CRAT: variants seen among roughly 807,000 people sequenced by gnomAD.
The protein encoded by CRAT is carnitine acetylase.
Under a neutral mutation model 73.7 loss-of-function variants are expected in CRAT, and 66 were observed. The observed-to-expected ratio is 0.90, with a 90% CI of 0.73 to 1.10. The LOEUF is 1.10. Among genes scored for constraint, CRAT ranks in the 50% least tolerant of loss-of-function variants. CRAT has a pLI of 0.00. For missense variants in CRAT, 745 were observed against 846.9 expected (o/e 0.88, Z 1.49); for synonymous variants, 321 against 343.2 (o/e 0.94, Z 0.71).
Position 129,104,198 on chromosome 9 carries a change from C to T in CRAT, c.400G>A (p.Gly134Ser), listed in dbSNP as rs761038595. The T allele has an allele frequency of 6.2e-7, 1 of 1,608,490 alleles. No individual in the cohort carries two copies. The highest frequency in any genetic ancestry group is 1.1e-5 in the South Asian group (1 of 89,994). The stretch of plus-strand genomic sequence containing the variant: ...ACCCCAGCCACTCACCGGAGCTGAC[C>T]CTGCAGGTCCACGAAGTCCTGCTTG... ...LPKQDFVDLQ[G>S]QLRFAAKLIE... The change falls in exon 3 of 14, where the codon GGT becomes AGT. Residue 134 changes from glycine (G) to serine (S), a missense_variant. By Grantham distance (56) the Gly-to-Ser change is moderately conservative. Coordinates refer to ENST00000318080, the MANE Select transcript of CRAT (RefSeq NM_000755.5).
chr9:129,100,556 G>GC lies in CRAT; in HGVS notation c.938dup (p.Ser314GlnfsTer140). On this transcript the variant is annotated frameshift_variant, in exon 7 of 14. Transcript: ENST00000318080. LOFTEE classifies it high-confidence loss of function. Reference sequence around the variant, plus strand: ...AGCGGTTGCCGCTGTTGAGCCTGCTGCCGCCCCCATGCAGCATCTGGCCTG... The same window carrying GC: ...AGCGGTTGCCGCTGTTGAGCCTGCTGCCCGCCCCCATGCAGCATCTGGCCTG... 6.2e-7 allele frequency: 1 copy of GC among 1,613,812 alleles called. No homozygotes were observed. Among genetic ancestry groups the GC allele is most frequent in the Non-Finnish European group, 8.5e-7 (1 of 1,179,970 alleles).
At chr9:129,105,601 C>T (rs1443365699) in intron 2 of CRAT, among the ~76,000 whole-genome samples, 2 of 152,170 alleles carry the variant, frequency 1.3e-5, no homozygotes, top group East Asian at 1.9e-4. Flanking sequence ...GGATTCCAGG[C>T]GTGAGCCACC....
At chr9:129,101,461 C>T (rs1024015163) in intron 6 of CRAT, among the ~76,000 whole-genome samples, 4 of 152,250 alleles carry the variant, frequency 2.6e-5, no homozygotes, top group Non-Finnish European at 5.9e-5. Flanking sequence ...GAGAAAGACA[C>T]TCCTTTGAAA....
At position 129,104,204 on chromosome 9, in the gene CRAT, G is replaced by T. The variant is rs766671386; in HGVS notation, c.394C>A (p.Leu132Met). 1 of 1,609,846 alleles carries T rather than the reference G, an allele frequency of 6.2e-7. No individual in the cohort carries two copies. Among genetic ancestry groups the T allele is most frequent in the South Asian group, 1.1e-5 (1 of 90,220 alleles). The change falls in exon 3 of 14, where the codon CTG becomes ATG. Residue 132 changes from leucine (L) to methionine (M), a missense_variant. Leu to Met is a conservative substitution (Grantham distance 15). Transcript: ENST00000318080. ...VMLPKQDFVD[L>M]QGQLRFAAKL... ...GCCACTCACCGGAGCTGACCCTGCA[G>T]GTCCACGAAGTCCTGCTTGGGTAGC...
chr9:129,108,850 C>A (rs1315847168), intron 1 of CRAT: 3 of 1,303,954 alleles, frequency 2.3e-6, no homozygotes, highest in Non-Finnish European at 3.0e-6. Context: ...CTAAGCCTAA[C>A]TGTGCTACAA....
rs759536400 is a variant in CRAT, at chr9:129,097,304, C to G, written c.1473G>C (p.Gln491His). 1.9e-5 allele frequency: 29 copies of G among 1,565,950 alleles called. No individual in the cohort carries two copies. Among genetic ancestry groups the G allele is most frequent in the Non-Finnish European group, 2.4e-5 (28 of 1,155,748 alleles). ...CGGCCTTCCGCAGCAGCTCCACCTT[C>G]TGGTGCTCCTAGAGTGGTGAGGGTC... Reference protein sequence around the residue: ...AMDDSSVTEHQKVELLRKAVQ... With the variant: ...AMDDSSVTEHHKVELLRKAVQ... Residue 491 changes from glutamine to histidine, a missense_variant, in exon 12 of 14, where the codon CAG (glutamine) becomes CAC (histidine). Transcript: ENST00000318080.
At chr9:129,108,316 G>T (rs1848149563) in intron 1 of CRAT, 4 of 1,172,388 alleles carry the variant, frequency 3.4e-6, no homozygotes, top group Non-Finnish European at 4.4e-6. Context: ...CAAGGCTCAG[G>T]GGAACCAAGT....
At position 129,110,664 on chromosome 9, in the gene CRAT, G is replaced by A. The variant is rs1306804752; in HGVS notation, c.-155C>T. ...GCCGCCAGCCGGTAGAGGCAGCCCCGCGCCCACCCTCTGGGCCGAGCGGGC... is the reference window on the plus strand; with the variant it reads ...GCCGCCAGCCGGTAGAGGCAGCCCCACGCCCACCCTCTGGGCCGAGCGGGC... On this transcript the variant is annotated 5_prime_UTR_variant, in exon 1 of 14. Coordinates refer to ENST00000318080, the MANE Select transcript of CRAT (RefSeq NM_000755.5). This position sits in a 1 kb window ranked among gnomAD's most constrained non-coding sequence, Gnocchi z 5.3. 4.3e-6 allele frequency: 4 copies of A among 936,604 alleles called. No individual in the cohort carries two copies. Among genetic ancestry groups the A allele is most frequent in the Non-Finnish European group, 5.9e-6 (4 of 673,654 alleles). 58.0% of individuals were successfully genotyped at this position (936,604 alleles called of 1,614,324 possible).
Position 129,107,681 on chromosome 9 carries a change from C to A in CRAT, c.291+133G>T, listed in dbSNP as rs1271870646. 2 of 1,300,772 alleles carry A rather than the reference C, an allele frequency of 1.5e-6. No individual in the cohort carries two copies. Among genetic ancestry groups the A allele is most frequent in the East Asian group, 2.5e-5 (1 of 40,302 alleles). The allele number at this position is 1,300,772 out of a possible 1,614,324, so 80.6% of individuals were successfully genotyped here. On this transcript the variant is annotated intron_variant, in intron 2 of 13. Transcript: ENST00000318080. This position sits in a 1 kb window ranked among gnomAD's most constrained non-coding sequence, Gnocchi z 5.0. ...TCCTTCTTGATCACCCAGCACCCTG[C>A]CAAGTGCCAGACACAGAGTATGTGC...
chr9:129,099,913 C>A lies in CRAT; in HGVS notation c.1038G>T (p.Ala346=). ...GAAGGGTGACAATAGGGGGCCCCTC[C>A]GCTGCAGCATGCTCGTACACAAGCC... ...SCGLVYEHAA[A]EGPPIVTLLD... Residue 346 remains alanine, a synonymous_variant, in exon 8 of 14, where the codon GCG becomes GCT. Transcript: ENST00000318080. 6.2e-7 allele frequency: 1 copy of A among 1,613,724 alleles called. No individual in the cohort carries two copies. Among genetic ancestry groups the A allele is most frequent in the African/African-American group, 1.3e-5 (1 of 75,042 alleles).
Position 129,110,189 on chromosome 9 carries a change from C to T in CRAT, c.27+294G>A, listed in dbSNP as rs1325053234. ...GGTCTGGATGCTCCTGGTCTCTCTC[C>T]CCTACCGGCCTGTCTCTGGGTCTAA... On this transcript the variant is annotated intron_variant, in intron 1 of 13. Coordinates refer to ENST00000318080, the MANE Select transcript of CRAT (RefSeq NM_000755.5). The surrounding 1 kb of genome is among the most constrained non-coding windows in gnomAD (Gnocchi z 5.3). 6.6e-6 allele frequency among the ~76,000 whole-genome samples: 1 copy of T among 152,088 alleles called. No individual in the cohort carries two copies. The highest frequency in any genetic ancestry group is 2.4e-5 in the African/African-American group (1 of 41,408).
In CRAT at chr9:129,107,991, C is replaced by A. The variant is rs751693848; in HGVS notation, c.114G>T (p.Leu38=). The part of the protein sequence containing the change: ...FKAHQDALPR[L]PVPPLQQSLD... Reference sequence around the variant, plus strand: ...GGGACTGCTGGAGAGGGGGCACGGGCAGCCGTGGCAGTGCATCCTGGTGTG... The same window carrying A: ...GGGACTGCTGGAGAGGGGGCACGGGAAGCCGTGGCAGTGCATCCTGGTGTG... The change falls in exon 2 of 14, where the codon CTG becomes CTT. Residue 38 remains leucine (L), a synonymous_variant. Coordinates refer to ENST00000318080, the MANE Select transcript of CRAT (RefSeq NM_000755.5). The surrounding 1 kb of genome is among the most constrained non-coding windows in gnomAD (Gnocchi z 5.0). The A allele has an allele frequency of 5.6e-6, 9 of 1,595,782 alleles. No homozygotes were observed. Among genetic ancestry groups the A allele is most frequent in the South Asian group, 4.5e-5 (4 of 89,368 alleles).
At position 129,106,443 on chromosome 9, in the gene CRAT, G is replaced by A. The variant is rs1007251657; in HGVS notation, c.291+1371C>T. Reference sequence around the variant, plus strand: ...AGCTTGGGAGACCAGAGGAGACCCCGCAGGTATGGGTACTCCCCCAGCGAG... The same window carrying A: ...AGCTTGGGAGACCAGAGGAGACCCCACAGGTATGGGTACTCCCCCAGCGAG... On this transcript the variant is annotated intron_variant, in intron 2 of 13. Coordinates refer to ENST00000318080, the MANE Select transcript of CRAT (RefSeq NM_000755.5). The surrounding 1 kb of genome is among the most constrained non-coding windows in gnomAD (Gnocchi z 4.0). 2.0e-5 allele frequency among the ~76,000 whole-genome samples: 3 copies of A among 152,098 alleles called. No homozygotes were observed. The highest frequency in any genetic ancestry group is 2.4e-5 in the African/African-American group (1 of 41,416).
At chr9:129,098,494 C>G in intron 9 of CRAT, 37 bp downstream of exon 9, 1 of 1,595,898 alleles carries the variant, frequency 6.3e-7, no homozygotes, top group South Asian at 1.1e-5. Flanking sequence ...CCTGGCCTCA[C>G]CCATCCAGCA....
chr9:129,096,587 C>T (rs1446537502), intron 12 of CRAT, among the ~76,000 whole-genome samples: 6 of 152,240 alleles, frequency 3.9e-5, no homozygotes, highest in Admixed American at 2.0e-4. Context: ...ACAGCCACCT[C>T]CCTGACTGCA....
chr9:129,107,919 C>T lies in CRAT; in HGVS notation c.186G>A (p.Glu62=). Residue 62 remains glutamate, a synonymous_variant, in exon 2 of 14, where the codon GAG becomes GAA. Coordinates refer to ENST00000318080, the MANE Select transcript of CRAT (RefSeq NM_000755.5). The surrounding 1 kb of genome is among the most constrained non-coding windows in gnomAD (Gnocchi z 5.0). ...CCACCAGCTGCTTGGTGTGGGCCCACTCCTCCTCACTCACGATGGGCTGCA... is the reference window on the plus strand; with the variant it reads ...CCACCAGCTGCTTGGTGTGGGCCCATTCCTCCTCACTCACGATGGGCTGCA... ...KALQPIVSEE[E]WAHTKQLVDE... 1 of 1,610,588 alleles carries T rather than the reference C, an allele frequency of 6.2e-7. No individual in the cohort carries two copies. The highest frequency in any genetic ancestry group is 1.1e-5 in the South Asian group (1 of 91,020).
chr9:129,104,133 G>A lies in CRAT; in HGVS notation c.410+55C>T, dbSNP rs552449295. 3.6e-5 allele frequency: 50 copies of A among 1,373,958 alleles called. No homozygotes were observed. The African/African-American group carries it at 4.5e-4, about 12-fold the overall frequency. The allele number at this position is 1,373,958 out of a possible 1,614,324, so 85.1% of individuals were successfully genotyped here. ...TCGGGGCCCCTCCAAGCGGCTGGGC[G>A]AAGTGAACTCGAGGGGCCCGGCTGC... On this transcript the variant is annotated intron_variant, in intron 3 of 13. Coordinates refer to ENST00000318080, the MANE Select transcript of CRAT (RefSeq NM_000755.5).
chr9:129,095,447 G>A lies in CRAT; in HGVS notation c.1831C>T (p.Leu611Phe). ...TGCAGCAGGGCACGCATGTCCAGGA[G>A]CGCCTTCTCCAGGTAATGCGCCAGG... The part of the protein sequence containing the change: ...ARLAHYLEKA[L>F]LDMRALLQSH... The change falls in exon 14 of 14, where the codon CTC (leucine) becomes TTC (phenylalanine). Residue 611 changes from leucine to phenylalanine, a missense_variant. Physicochemically the swap from Leu to Phe is conservative, Grantham distance 22. Transcript: ENST00000318080. 1 of 1,613,212 alleles carries A rather than the reference G, an allele frequency of 6.2e-7. No individual in the cohort carries two copies. The highest frequency in any genetic ancestry group is 8.5e-7 in the Non-Finnish European group (1 of 1,179,994).
chr9:129,103,156 AGTCTT>A lies in CRAT; in HGVS notation c.411-95_411-91del. ...CACCTGCTTGGGGAGCGGGAGGTCT[AGTCTT>A]CCAGCCTCTCTCACCGCTTCCAGAA... On this transcript the variant is annotated intron_variant, in intron 3 of 13. Coordinates refer to ENST00000318080, the MANE Select transcript of CRAT (RefSeq NM_000755.5). This position sits in a 1 kb window ranked among gnomAD's most constrained non-coding sequence, Gnocchi z 4.6. 8.9e-7 allele frequency: 1 copy of A among 1,119,062 alleles called. No individual in the cohort carries two copies. Among genetic ancestry groups the A allele is most frequent in the South Asian group, 1.2e-5 (1 of 80,676 alleles). The allele number at this position is 1,119,062 out of a possible 1,614,324, so 69.3% of individuals were successfully genotyped here.
Sources: gnomAD v4.1 joint callset for allele counts (sites outside exome capture counted in the v4.1 genomes callset) on GRCh38, gnomAD v4.1.1 for gene constraint, Gnocchi (gnomAD v3.1) non-coding constraint, MANE v1.5 for transcripts, NCBI Gene and HGNC (gene_info 2026-07-23, HGNC 2026-07-21) for gene names.